The following MGAT5 variants were observed in gnomAD, a reference collection of about 807,000 sequenced individuals.
MGAT5 encodes the protein alpha-1,6-mannosylglycoprotein 6-beta-N-acetylglucosaminyltransferase.
In MGAT5, 30 loss-of-function variants were observed where a neutral mutation model predicts 94.3. The ratio of observed to expected loss-of-function variants is 0.32; its 90% CI spans 0.24 to 0.43. The LOEUF (loss-of-function observed/expected upper bound fraction) is 0.43, where lower values mean the gene tolerates loss of function less well. Among genes scored for constraint, MGAT5 ranks in the 20% least tolerant of loss-of-function variants. The pLI, the probability that MGAT5 is intolerant of heterozygous loss-of-function variation, is 1.00. For missense variants in MGAT5, 691 were observed against 905.5 expected (o/e 0.76, Z 3.04); for synonymous variants, 310 against 322.9 (o/e 0.96, Z 0.43).
chr2:134,286,899 T>A (rs1685042317), intron 2 of MGAT5, among the ~76,000 whole-genome samples: 1 of 152,238 alleles, frequency 6.6e-6, no homozygotes, highest in African/African-American at 2.4e-5. Context: ...CACACCTAGA[T>A]GTGACTTTTG....
intron 1 of MGAT5, among the ~76,000 whole-genome samples, chr2:134,129,719 T>C (rs954033763): frequency 6.6e-6 from 1 of 151,890 alleles, no homozygotes; most frequent in Non-Finnish European, 1.5e-5. Flanking sequence ...CTGGCTGAGC[T>C]GAGTACTTTT....
At chr2:134,220,810 A>G (rs1360285752) in intron 1 of MGAT5, among the ~76,000 whole-genome samples, 2 of 151,916 alleles carry the variant, frequency 1.3e-5, no homozygotes, top group African/African-American at 4.8e-5. Context: ...CCTCACTCTG[A>G]CTTATAGCAG....
chr2:134,197,908 T>G (rs1679577254), intron 1 of MGAT5, among the ~76,000 whole-genome samples: 1 of 152,118 alleles, frequency 6.6e-6, no homozygotes, highest in Non-Finnish European at 1.5e-5. Flanking sequence ...TTGGGTAGAT[T>G]TTTTTCTACT....
chr2:134,388,772 TG>T (rs1160045325), intron 10 of MGAT5, among the ~76,000 whole-genome samples: 3 of 62,224 alleles, frequency 4.8e-5, no homozygotes, highest in African/African-American at 1.8e-4. Flanking sequence ...TTTTGGGGGG[TG>T]GGGGGGTGGT....
intron 1 of MGAT5, among the ~76,000 whole-genome samples, chr2:134,266,428 T>G (rs907199391): frequency 1.3e-5 from 2 of 152,096 alleles, no homozygotes; most frequent in Non-Finnish European, 2.9e-5. Flanking sequence ...ACCATGTTGG[T>G]CAGGCCGGTC....
chr2:134,244,424 A>AATAC (rs1187122406), intron 1 of MGAT5, among the ~76,000 whole-genome samples: 1 of 152,080 alleles, frequency 6.6e-6, no homozygotes, highest in African/African-American at 2.4e-5. Flanking sequence ...CCAGTGCCTT[A>AATAC]ATACTCATTA....
intron 1 of MGAT5, among the ~76,000 whole-genome samples, chr2:134,212,733 G>T (rs906412400): frequency 6.6e-6 from 1 of 152,116 alleles, no homozygotes; most frequent in African/African-American, 2.4e-5. Flanking sequence ...GAAAATGGTG[G>T]GAAGAGGTTG....
chr2:134,348,172 G>A (rs1385849732), intron 8 of MGAT5, among the ~76,000 whole-genome samples: 1 of 152,180 alleles, frequency 6.6e-6, no homozygotes. Flanking sequence ...GGGATGCTCT[G>A]AGCTATTCAA....
intron 1 of MGAT5, among the ~76,000 whole-genome samples, chr2:134,226,117 A>G (rs1202774385): frequency 6.6e-6 from 1 of 152,326 alleles, no homozygotes; most frequent in East Asian, 1.9e-4. Context: ...TTTCCATTAA[A>G]TGGAATGACT....
intron 4 of MGAT5, among the ~76,000 whole-genome samples, chr2:134,324,121 A>G (rs1009254008): frequency 6.6e-6 from 1 of 152,126 alleles, no homozygotes; most frequent in Non-Finnish European, 1.5e-5. Context: ...CTTTTTAAAC[A>G]GTTGTTACAG....
At chr2:134,201,203 G>A (rs1304984775) in intron 1 of MGAT5, among the ~76,000 whole-genome samples, 3 of 151,958 alleles carry the variant, frequency 2.0e-5, no homozygotes, top group Admixed American at 1.3e-4. Flanking sequence ...CTGGAGGGCC[G>A]CTTTGGTTTA....
chr2:134,432,295 T>C (rs1229502586), intron 14 of MGAT5, among the ~76,000 whole-genome samples: 2 of 152,222 alleles, frequency 1.3e-5, no homozygotes, highest in Admixed American at 1.3e-4. Context: ...CATGTTAATT[T>C]GTAAAGAGCT....
chr2:134,306,094 C>T (rs539427037), intron 2 of MGAT5, among the ~76,000 whole-genome samples: 7 of 152,128 alleles, frequency 4.6e-5, no homozygotes, highest in Admixed American at 2.6e-4. Context: ...CTAGCATTCT[C>T]CTAGTTTATT....
At chr2:134,164,947 G>T (rs554792405) in intron 1 of MGAT5, among the ~76,000 whole-genome samples, 1 of 152,190 alleles carries the variant, frequency 6.6e-6, no homozygotes, top group Non-Finnish European at 1.5e-5. Context: ...TAATTCTGTG[G>T]TAAGGAGGCT....
At chr2:134,255,604 G>T (rs543008053) in intron 1 of MGAT5, among the ~76,000 whole-genome samples, 9 of 151,994 alleles carry the variant, frequency 5.9e-5, no homozygotes, top group Non-Finnish European at 1.2e-4. Context: ...GCTGTGTTTT[G>T]CAGAGCAGAC....
At chr2:134,283,810 G>C (rs1346196036) in intron 2 of MGAT5, among the ~76,000 whole-genome samples, 1 of 151,788 alleles carries the variant, frequency 6.6e-6, no homozygotes, top group African/African-American at 2.4e-5. Flanking sequence ...ACAGGAGAAC[G>C]ATACAGCTTC....
chr2:134,327,383 A>G (rs1687702511), intron 4 of MGAT5, among the ~76,000 whole-genome samples: 1 of 152,122 alleles, frequency 6.6e-6, no homozygotes, highest in South Asian at 2.1e-4. Flanking sequence ...CTGAATTGCC[A>G]GCATCATTAC....
In MGAT5 at chr2:134,268,555, G is replaced by A. The variant is rs1041567064; in HGVS notation, c.242-1831G>A. Among the ~76,000 whole-genome samples the A allele has an allele frequency of 5.9e-5, 9 of 152,194 alleles. No homozygotes were observed. The highest frequency in any genetic ancestry group is 2.6e-4 in the Admixed American group (4 of 15,282). On this transcript the variant is annotated intron_variant, in intron 1 of 15. Coordinates refer to ENST00000281923, the MANE Select transcript of MGAT5 (RefSeq NM_002410.5). This position sits in a 1 kb window ranked among gnomAD's most constrained non-coding sequence, Gnocchi z 4.1. ...CATGCTGACCGTGGGACTGCAGACCGCAGAGGAGAGTGCTCTCATGACCCC... is the reference window on the plus strand; with the variant it reads ...CATGCTGACCGTGGGACTGCAGACCACAGAGGAGAGTGCTCTCATGACCCC...
At chr2:134,144,337 C>A (rs1215188103) in intron 1 of MGAT5, among the ~76,000 whole-genome samples, 1 of 152,106 alleles carries the variant, frequency 6.6e-6, no homozygotes, top group African/African-American at 2.4e-5. Flanking sequence ...CTTCCCATGG[C>A]CAGAGCAGGA....
Sources: gnomAD v4.1 joint callset for allele counts (sites outside exome capture counted in the v4.1 genomes callset) on GRCh38, gnomAD v4.1.1 for gene constraint, Gnocchi (gnomAD v3.1) non-coding constraint, MANE v1.5 for transcripts, NCBI Gene and HGNC (gene_info 2026-07-23, HGNC 2026-07-21) for gene names.